Variants in ZBTB20 observed in about 807,000 individuals in gnomAD.
ZBTB20 encodes zinc finger and BTB domain containing 20, also known as zinc finger and BTB domain-containing protein 20.
In ZBTB20, 9 loss-of-function variants were observed where a neutral mutation model predicts 56.9. The ratio of observed to expected loss-of-function variants is 0.16; its 90% CI spans 0.10 to 0.28. ZBTB20 has a LOEUF of 0.28. ZBTB20 is among the 10% of genes least tolerant of loss of function. ZBTB20 has a pLI of 1.00. For missense variants in ZBTB20, 655 were observed against 1,003.0 expected (o/e 0.65, Z 4.69); for synonymous variants, 417 against 420.7 (o/e 0.99, Z 0.11).
chr3:114,556,040 TAAC>T (rs1386321818), intron 6 of ZBTB20, among the ~76,000 whole-genome samples: 1 of 152,126 alleles, frequency 6.6e-6, no homozygotes, highest in African/African-American at 2.4e-5. Flanking sequence ...CAATGGAGGA[TAAC>T]AACATCTCAC....
At chr3:114,431,582 G>C (rs912099023) in intron 7 of ZBTB20, among the ~76,000 whole-genome samples, 2 of 152,098 alleles carry the variant, frequency 1.3e-5, no homozygotes, top group Non-Finnish European at 2.9e-5. Context: ...TGATAATCAA[G>C]AGTTGACAAA....
chr3:115,035,660 AG>A (rs2080885182), intron 2 of ZBTB20, among the ~76,000 whole-genome samples: 1 of 152,190 alleles, frequency 6.6e-6, no homozygotes, highest in Non-Finnish European at 1.5e-5. Flanking sequence ...TTTCTCAAAA[AG>A]TTAAAAAATA....
intron 1 of ZBTB20, among the ~76,000 whole-genome samples, chr3:115,101,988 C>CAAAT (rs2083598804): frequency 6.6e-6 from 1 of 152,170 alleles, no homozygotes; most frequent in Non-Finnish European, 1.5e-5. Flanking sequence ...TTAAGAATGT[C>CAAAT]AAATAAATTT....
chr3:114,860,600 G>A (rs17683975), intron 4 of ZBTB20, among the ~76,000 whole-genome samples: 2,786 of 152,298 alleles, frequency 0.018, 41 homozygotes, highest in Non-Finnish European at 0.031. Flanking sequence ...TTAAACCAAA[G>A]GGTAGGAGGC....
intron 4 of ZBTB20, among the ~76,000 whole-genome samples, chr3:114,828,232 G>A (rs2073650706): frequency 6.6e-6 from 1 of 151,336 alleles, no homozygotes; most frequent in South Asian, 2.1e-4. Context: ...ATCAAATATT[G>A]AGCACCAAGT....
intron 6 of ZBTB20, among the ~76,000 whole-genome samples, chr3:114,633,726 T>C (rs2059095840): frequency 6.6e-6 from 1 of 152,114 alleles, no homozygotes; most frequent in African/African-American, 2.4e-5. Flanking sequence ...AGAAAATGAT[T>C]CCAGAATCTT....
chr3:114,564,365 G>A (rs2052469996), intron 6 of ZBTB20, among the ~76,000 whole-genome samples: 1 of 151,870 alleles, frequency 6.6e-6, no homozygotes, highest in Non-Finnish European at 1.5e-5. Context: ...GGGGAGGGGG[G>A]CATTAATCTG....
intron 1 of ZBTB20, among the ~76,000 whole-genome samples, chr3:115,097,251 T>C (rs1444151746): frequency 6.6e-6 from 1 of 152,200 alleles, no homozygotes. Flanking sequence ...CGATCTCGGC[T>C]CACTACAACC....
chr3:114,695,887 A>C (rs943188499), intron 5 of ZBTB20, among the ~76,000 whole-genome samples: 7 of 152,098 alleles, frequency 4.6e-5, no homozygotes, highest in African/African-American at 1.4e-4. Context: ...GGAATATGAT[A>C]TCCCAGTTAG....
chr3:114,364,342 T>A (rs2082182069), intron 10 of ZBTB20, among the ~76,000 whole-genome samples: 1 of 152,150 alleles, frequency 6.6e-6, no homozygotes, highest in Non-Finnish European at 1.5e-5. Context: ...TTCGAGCTAC[T>A]CAGGAGGCTA....
intron 5 of ZBTB20, among the ~76,000 whole-genome samples, chr3:114,699,510 T>C (rs971189915): frequency 6.6e-6 from 1 of 151,978 alleles, no homozygotes; most frequent in East Asian, 1.9e-4. Flanking sequence ...AATTGGAGAA[T>C]AAGACCTTTA....
chr3:114,975,457 TTTAA>T (rs1180003086), intron 2 of ZBTB20, among the ~76,000 whole-genome samples: 2 of 152,176 alleles, frequency 1.3e-5, no homozygotes, highest in Non-Finnish European at 2.9e-5. Flanking sequence ...ATCTGAGGAT[TTTAA>T]TTGACTATAT....
chr3:115,133,239 G>A (rs748623405), intron 1 of ZBTB20, among the ~76,000 whole-genome samples: 1 of 152,044 alleles, frequency 6.6e-6, no homozygotes, highest in Non-Finnish European at 1.5e-5. Context: ...TTGACTAAAA[G>A]TCCTTTTATT....
At chr3:114,804,032 C>G (rs2108850973) in intron 4 of ZBTB20, among the ~76,000 whole-genome samples, 1 of 152,030 alleles carries the variant, frequency 6.6e-6, no homozygotes, top group East Asian at 1.9e-4. Context: ...ATGCACTGAG[C>G]AACAGCTCCG....
chr3:114,611,027 C>T (rs576101990), intron 6 of ZBTB20, among the ~76,000 whole-genome samples: 14 of 152,274 alleles, frequency 9.2e-5, no homozygotes, highest in African/African-American at 3.1e-4. Flanking sequence ...ATTAGGCATA[C>T]AACGAAAGCA....
chr3:114,732,848 G>T (rs925194690), intron 5 of ZBTB20, among the ~76,000 whole-genome samples: 1 of 152,066 alleles, frequency 6.6e-6, no homozygotes, highest in South Asian at 2.1e-4. Flanking sequence ...AGAAATACTG[G>T]AGGGAATTCA....
intron 3 of ZBTB20, among the ~76,000 whole-genome samples, chr3:114,902,486 T>C (rs768183733): frequency 3.3e-5 from 5 of 152,216 alleles, no homozygotes; most frequent in Non-Finnish European, 5.9e-5. Context: ...ACAGATTTGG[T>C]ACATTTTAAA....
chr3:115,034,171 T>C (rs1242903115), intron 2 of ZBTB20, among the ~76,000 whole-genome samples: 2 of 151,708 alleles, frequency 1.3e-5, no homozygotes, highest in Non-Finnish European at 3.0e-5. Flanking sequence ...AAGCTCTTCC[T>C]CTGAGATCAG....
At chr3:114,564,924 T>C (rs928415756) in intron 6 of ZBTB20, among the ~76,000 whole-genome samples, 2 of 152,194 alleles carry the variant, frequency 1.3e-5, no homozygotes, top group African/African-American at 4.8e-5. Flanking sequence ...ATGGGTAAAG[T>C]TAACTCAAAT....
Sources: gnomAD v4.1 joint callset for allele counts (sites outside exome capture counted in the v4.1 genomes callset) on GRCh38, gnomAD v4.1.1 for gene constraint, MANE v1.5 for transcripts, NCBI Gene and HGNC (gene_info 2026-07-23, HGNC 2026-07-21) for gene names.